IL1RAPL1: variants seen among roughly 807,000 people sequenced by gnomAD.
The protein encoded by IL1RAPL1 is interleukin-1 receptor accessory protein-like 1.
IL1RAPL1 carries 3 observed loss-of-function variants against 48.4 expected under a neutral mutation model. The ratio of observed to expected loss-of-function variants is 0.06; its 90% CI spans 0.03 to 0.16. The LOEUF is 0.16. Among genes scored for constraint, IL1RAPL1 ranks in the 10% least tolerant of loss-of-function variants. IL1RAPL1 has a pLI of 1.00. For missense variants in IL1RAPL1, 349 were observed against 530.6 expected (o/e 0.66, Z 3.36); for synonymous variants, 185 against 187.7 (o/e 0.99, Z 0.12).
chrX:29,608,751 G>A (rs1298074145), intron 5 of IL1RAPL1, among the ~76,000 whole-genome samples: 1 of 103,130 alleles, frequency 9.7e-6, no homozygotes, highest in Non-Finnish European at 2.0e-5. Context: ...GTGTGAACCT[G>A]GGAGGCGGAG....
At chrX:29,258,072 T>C (rs1258692917) in intron 2 of IL1RAPL1, among the ~76,000 whole-genome samples, 1 of 111,012 alleles carries the variant, frequency 9.0e-6, no homozygotes, top group East Asian at 2.8e-4. Context: ...CTTTCAATGA[T>C]AGCACTTTAC....
intron 1 of IL1RAPL1, among the ~76,000 whole-genome samples, chrX:28,609,019 T>C (rs1310648446): frequency 8.9e-6 from 1 of 112,330 alleles, no homozygotes; most frequent in Admixed American, 9.5e-5. Flanking sequence ...ATGTGAATGT[T>C]TTAAATAAGT....
intron 2 of IL1RAPL1, among the ~76,000 whole-genome samples, chrX:29,215,201 A>T (rs1930843876): frequency 9.0e-6 from 1 of 110,600 alleles, no homozygotes; most frequent in Admixed American, 9.7e-5. Context: ...TACAAAAAAA[A>T]TTAGCTGGGT....
chrX:29,772,474 C>A (rs755962808), intron 6 of IL1RAPL1, among the ~76,000 whole-genome samples: 1 of 110,935 alleles, frequency 9.0e-6, no homozygotes, highest in African/African-American at 3.3e-5. Context: ...GTGTGCGTGG[C>A]AAGATTTGCA....
intron 6 of IL1RAPL1, among the ~76,000 whole-genome samples, chrX:29,910,436 G>A (rs182784709): frequency 1.2e-4 from 13 of 110,997 alleles, no homozygotes. Flanking sequence ...TAAAGGAGAT[G>A]ATACTGTGAG....
At chrX:28,825,594 CAA>C (rs1326713604) in intron 2 of IL1RAPL1, among the ~76,000 whole-genome samples, 13 of 111,079 alleles carry the variant, frequency 1.2e-4, no homozygotes, top group African/African-American at 3.9e-4. Context: ...TCTTTACACT[CAA>C]GAGGATAAAT....
chrX:29,482,876 A>G (rs1287830470), intron 5 of IL1RAPL1, among the ~76,000 whole-genome samples: 1 of 112,075 alleles, frequency 8.9e-6, no homozygotes, highest in Non-Finnish European at 1.9e-5. Flanking sequence ...GATTCTGATA[A>G]GACTAAGATA....
At position 29,772,777 on chromosome X, in the gene IL1RAPL1, C is replaced by T. The variant is rs757605296; in HGVS notation, c.778+104273C>T. On this transcript the variant is annotated intron_variant, in intron 6 of 10. Coordinates refer to ENST00000378993, the MANE Select transcript of IL1RAPL1 (RefSeq NM_014271.4). ...CTTGCTTTAGCCTTTGATAAGTAAGCGCCTTCTACTTTCATTTCCAACAGC... is the reference window on the plus strand; with the variant it reads ...CTTGCTTTAGCCTTTGATAAGTAAGTGCCTTCTACTTTCATTTCCAACAGC... 3.7e-3 allele frequency among the ~76,000 whole-genome samples: 412 copies of T among 111,541 alleles called. 3 individuals carry two copies. The highest frequency in any genetic ancestry group is 6.8e-3 in the Admixed American group (71 of 10,482).
chrX:29,754,590 A>G (rs1320789958), intron 6 of IL1RAPL1, among the ~76,000 whole-genome samples: 1 of 112,046 alleles, frequency 8.9e-6, no homozygotes, highest in Non-Finnish European at 1.9e-5. Context: ...AAGTCCAAAC[A>G]TACTAACTTG....
rs72625531 is a variant in IL1RAPL1 at position 29,335,347 on chromosome X, A to G, written c.362+52130A>G. On this transcript the variant is annotated intron_variant, in intron 3 of 10. Transcript: ENST00000378993. ...GGGAGAGGGGAGAGGGGAGAGGGAGAGCTATTCTAAGGTCTTTAGAAGCAA... is the reference window on the plus strand; with the variant it reads ...GGGAGAGGGGAGAGGGGAGAGGGAGGGCTATTCTAAGGTCTTTAGAAGCAA... 3.9e-3 allele frequency among the ~76,000 whole-genome samples: 98 copies of G among 24,833 alleles called. 2 individuals carry two copies. Among genetic ancestry groups the G allele is most frequent in the Non-Finnish European group, 6.6e-3 (53 of 8,027 alleles). The allele number at this position is 24,833 out of a possible 115,157, so 21.6% of individuals were successfully genotyped here. A position where few individuals can be genotyped will look rare whatever the true frequency, so the allele number is the denominator to read the frequency against.
At chrX:29,328,650 G>T (rs747900292) in intron 3 of IL1RAPL1, among the ~76,000 whole-genome samples, 3,387 of 106,153 alleles carry the variant, frequency 0.032, 132 homozygotes, top group African/African-American at 0.1. Context: ...TATAGAGAGA[G>T]AGAGAGAGAG....
chrX:29,731,056 C>T (rs1484577939), intron 6 of IL1RAPL1, among the ~76,000 whole-genome samples: 2 of 112,255 alleles, frequency 1.8e-5, no homozygotes, highest in Non-Finnish European at 3.8e-5. Context: ...AATTTTGGTA[C>T]GTTGGTCAAG....
intron 2 of IL1RAPL1, among the ~76,000 whole-genome samples, chrX:28,976,281 A>G (rs1374317568): frequency 8.9e-6 from 1 of 112,007 alleles, no homozygotes; most frequent in East Asian, 2.8e-4. Context: ...ATCCATTGAA[A>G]TAGTTCAGGC....
At chrX:29,264,242 A>G (rs967603257) in intron 2 of IL1RAPL1, among the ~76,000 whole-genome samples, 3 of 111,655 alleles carry the variant, frequency 2.7e-5, no homozygotes, top group Non-Finnish European at 3.8e-5. Flanking sequence ...TTTTTTTCCT[A>G]AGCGTACTAT....
At chrX:29,929,261 T>TTA (rs1932918648) in intron 8 of IL1RAPL1, among the ~76,000 whole-genome samples, 1 of 110,149 alleles carries the variant, frequency 9.1e-6, no homozygotes, top group Non-Finnish European at 1.9e-5. Flanking sequence ...TGAACTGTGA[T>TTA]AAAAAAAAAT....
intron 6 of IL1RAPL1, among the ~76,000 whole-genome samples, chrX:29,808,804 G>A (rs928303169): frequency 9.0e-6 from 1 of 111,055 alleles, no homozygotes; most frequent in African/African-American, 3.3e-5. Context: ...CAATTATGTG[G>A]TGACTCTCTA....
At chrX:29,148,891 C>G (rs225052) in intron 2 of IL1RAPL1, among the ~76,000 whole-genome samples, 40,640 of 110,376 alleles carry the variant, frequency 0.37, 6,664 homozygotes, top group Non-Finnish European at 0.51. Flanking sequence ...CAGATAATAC[C>G]AGCCTCTTTT....
At chrX:28,902,076 A>C (rs1023376066) in intron 2 of IL1RAPL1, among the ~76,000 whole-genome samples, 2 of 111,631 alleles carry the variant, frequency 1.8e-5, no homozygotes, top group Admixed American at 9.5e-5. Flanking sequence ...ACCTTCCCAA[A>C]GTTCTATATT....
intron 6 of IL1RAPL1, among the ~76,000 whole-genome samples, chrX:29,694,935 T>C (rs368527552): frequency 9.4e-4 from 105 of 111,276 alleles, no homozygotes; most frequent in African/African-American, 2.9e-3. Flanking sequence ...ACAAGGCTCC[T>C]TCAGGGAGAC....
Sources: allele counts gnomAD v4.1 joint callset (sites outside exome capture counted in the v4.1 genomes callset), GRCh38; gene constraint gnomAD v4.1.1; transcripts MANE v1.5; gene names NCBI Gene and HGNC (gene_info 2026-07-23, HGNC 2026-07-21).